ASXL1: variants seen among roughly 807,000 people sequenced by gnomAD.
ASXL1 encodes the protein ASXL transcriptional regulator 1.
ASXL1 carries 65 observed loss-of-function variants against 89.1 expected under a neutral mutation model. That is an observed-to-expected ratio of 0.73 (90% CI 0.60 to 0.90). The LOEUF is 0.90. Among genes scored for constraint, ASXL1 ranks in the 40% least tolerant of loss-of-function variants. ASXL1 has a pLI of 0.00. For missense variants in ASXL1, 1,786 were observed against 1,942.9 expected, an observed-to-expected ratio of 0.92 and a Z score of 1.52; for synonymous variants, 739 against 746.9, an observed-to-expected ratio of 0.99 and a Z score of 0.17.
At chr20:32,417,257 A>G (rs2049154162) in intron 4 of ASXL1, among the ~76,000 whole-genome samples, 1 of 152,206 alleles carries the variant, frequency 6.6e-6, no homozygotes, top group African/African-American at 2.4e-5. Flanking sequence ...TCTAGACCCA[A>G]AGATTTCAGG....
chr20:32,412,645 G>A (rs1384517241), intron 4 of ASXL1, among the ~76,000 whole-genome samples: 1 of 149,180 alleles, frequency 6.7e-6, no homozygotes, highest in Non-Finnish European at 1.5e-5. Context: ...TCCCAGGCTG[G>A]AGGGCAATGG....
chr20:32,437,565 G>A lies in ASXL1; in HGVS notation c.*227G>A. The A allele has an allele frequency of 1.6e-6, 1 of 628,936 alleles. No individual in the cohort carries two copies. The highest frequency in any genetic ancestry group is 2.7e-6 in the Non-Finnish European group (1 of 372,442). The allele number at this position is 628,936 out of a possible 1,614,324, so 39.0% of individuals were successfully genotyped here. On this transcript the variant is annotated 3_prime_UTR_variant, in exon 13 of 13. Coordinates refer to ENST00000375687, the MANE Select transcript of ASXL1 (RefSeq NM_015338.6). ...CCATTGGGCTGCCCAAGGCCAGCCA[G>A]CCTGAGCTCTCCTGCAAGACAGAGC...
At chr20:32,418,238 G>A (rs1290883227) in intron 4 of ASXL1, among the ~76,000 whole-genome samples, 1 of 151,964 alleles carries the variant, frequency 6.6e-6, no homozygotes, top group Admixed American at 6.6e-5. Flanking sequence ...CTGGAGTGGT[G>A]GTGCATGCCT....
rs372643354 is a variant in ASXL1 at position 32,436,834 on chromosome 20, G to A, written c.4122G>A (p.Val1374=). The A allele has an allele frequency of 7.4e-6, 12 of 1,614,042 alleles. No homozygotes were observed. In the African/African-American group the frequency reaches 1.3e-4, roughly 18 times the overall value. The stretch of plus-strand genomic sequence containing the variant: ...GCGTCAAGAATGAGAAGACTTTTGT[G>A]GGGGGTCCTCTTAAGGCAAATGCCG... ...VGSVKNEKTF[V]GGPLKANAEN... Residue 1374 remains valine (V), a synonymous_variant, in exon 13 of 13, where the codon GTG becomes GTA. Coordinates refer to ENST00000375687, the MANE Select transcript of ASXL1 (RefSeq NM_015338.6).
chr20:32,418,747 C>A (rs968549117), intron 4 of ASXL1, among the ~76,000 whole-genome samples: 1 of 140,646 alleles, frequency 7.1e-6, no homozygotes, highest in South Asian at 2.4e-4. Context: ...TGTAAAAGAT[C>A]GTGTTGAGAG....
chr20:32,431,735 C>A (rs2123240919), intron 10 of ASXL1, 56 bp downstream of exon 10: 1 of 1,557,530 alleles, frequency 6.4e-7, no homozygotes, highest in Non-Finnish European at 8.8e-7. Context: ...TGTGGTGTTG[C>A]ATGTCTCCTG....
intron 4 of ASXL1, among the ~76,000 whole-genome samples, chr20:32,381,318 C>T (rs2048482181): frequency 6.6e-6 from 1 of 152,080 alleles, no homozygotes; most frequent in Admixed American, 6.5e-5. Flanking sequence ...GATCCTCCCA[C>T]CTCAGCCTCC....
At chr20:32,413,032 A>G (rs1481405404) in intron 4 of ASXL1, among the ~76,000 whole-genome samples, 1 of 152,212 alleles carries the variant, frequency 6.6e-6, no homozygotes, top group Non-Finnish European at 1.5e-5. Flanking sequence ...GGGAGTGGTT[A>G]TACTTTGATA....
chr20:32,384,198 G>GTTT (rs71187115), intron 4 of ASXL1, among the ~76,000 whole-genome samples: 15 of 77,302 alleles, frequency 1.9e-4, no homozygotes, highest in South Asian at 4.9e-4. Context: ...GCAGCAGTCT[G>GTTT]TTTTTTTTTT....
At chr20:32,418,850 T>C (rs1402047464) in intron 4 of ASXL1, among the ~76,000 whole-genome samples, 1 of 103,792 alleles carries the variant, frequency 9.6e-6, no homozygotes, top group Non-Finnish European at 1.9e-5. Flanking sequence ...TTTTTTTTTT[T>C]GAGACGGAGT....
intron 4 of ASXL1, among the ~76,000 whole-genome samples, chr20:32,382,203 G>A (rs1487387330): frequency 2.0e-5 from 3 of 151,454 alleles, no homozygotes; most frequent in Non-Finnish European, 2.9e-5. Context: ...TTGAATTCTC[G>A]TCCTCAGGTG....
intron 4 of ASXL1, among the ~76,000 whole-genome samples, chr20:32,378,607 C>T (rs1489048015): frequency 1.3e-5 from 2 of 151,978 alleles, no homozygotes; most frequent in African/African-American, 4.8e-5. Context: ...TTGATTATTG[C>T]CCGGTTAGAG....
At chr20:32,411,430 T>C (rs1359760025) in intron 4 of ASXL1, among the ~76,000 whole-genome samples, 1 of 151,662 alleles carries the variant, frequency 6.6e-6, no homozygotes, top group Non-Finnish European at 1.5e-5. Context: ...TTCACCATGT[T>C]GGCCAGGCTT....
chr20:32,383,301 G>C (rs1336037029), intron 4 of ASXL1, among the ~76,000 whole-genome samples: 2 of 151,334 alleles, frequency 1.3e-5, no homozygotes, highest in East Asian at 1.9e-4. Flanking sequence ...TATAGTTGTT[G>C]GTTTTCTTTT....
At position 32,435,633 on chromosome 20, in the gene ASXL1, AC is replaced by A; in HGVS notation, c.2922del (p.Cys975ValfsTer9). On this transcript the variant is annotated frameshift_variant, in exon 13 of 13. Coordinates refer to ENST00000375687, the MANE Select transcript of ASXL1 (RefSeq NM_015338.6). LOFTEE classifies it low-confidence loss of function (END_TRUNC). ...SRGGSDSNGS[Y>X]CQQVDIEKLK... is the part of the protein sequence containing the mutation. The stretch of plus-strand genomic sequence containing the variant: ...GGAGGCAGTGACAGCAATGGCAGTT[AC>A]TGTCAACAGGTGGACATTGAAAAGC... 6.2e-7 allele frequency: 1 copy of A among 1,614,154 alleles called. No individual in the cohort carries two copies. The highest frequency in any genetic ancestry group is 8.5e-7 in the Non-Finnish European group (1 of 1,180,032).
chr20:32,377,378 C>G (rs766016879), intron 4 of ASXL1, among the ~76,000 whole-genome samples: 2 of 151,530 alleles, frequency 1.3e-5, no homozygotes, highest in Non-Finnish European at 2.9e-5. Flanking sequence ...TGTGGACTTA[C>G]CTATGATTGT....
In ASXL1 at chr20:32,434,657, GGAGGTGGCGGC is replaced by G; in HGVS notation, c.1947_1957del (p.Gly651HisfsTer3). ...CATCGGAGGGGGGGGTGGCCCGGGT[GGAGGTGGCGGC>G]GGGGCCACCGATGAGGGAGGTGGCA... On this transcript the variant is annotated frameshift_variant, in exon 13 of 13. Transcript: ENST00000375687. LOFTEE classifies it low-confidence loss of function (END_TRUNC). The G allele has an allele frequency of 6.2e-7, 1 of 1,604,408 alleles. No individual in the cohort carries two copies. Among genetic ancestry groups the G allele is most frequent in the Non-Finnish European group, 8.5e-7 (1 of 1,175,302 alleles).
intron 4 of ASXL1, among the ~76,000 whole-genome samples, chr20:32,406,832 C>G (rs1305315570): frequency 6.6e-6 from 1 of 152,136 alleles, no homozygotes; most frequent in Non-Finnish European, 1.5e-5. Flanking sequence ...CCAACTCTCA[C>G]GTCATACCAC....
rs772609711 is a variant in ASXL1, at chr20:32,428,110, T to A, written c.253-18T>A. On this transcript the variant is annotated intron_variant, in intron 4 of 12. Transcript: ENST00000375687. ...TTTGTAGGGTTTTGTTCACCTGAGTTGTACCTTGCTGTCACAGAAGGATGC... is the reference window on the plus strand; with the variant it reads ...TTTGTAGGGTTTTGTTCACCTGAGTAGTACCTTGCTGTCACAGAAGGATGC... The A allele has an allele frequency of 6.2e-7, 1 of 1,612,826 alleles. No individual in the cohort carries two copies.
Sources: allele counts gnomAD v4.1 joint callset (sites outside exome capture counted in the v4.1 genomes callset), GRCh38; gene constraint gnomAD v4.1.1; transcripts MANE v1.5; gene names NCBI Gene and HGNC (gene_info 2026-07-23, HGNC 2026-07-21).